The following PAQR5 variants were observed in gnomAD, a reference collection of about 807,000 sequenced individuals.
PAQR5 encodes membrane progestin receptor gamma.
PAQR5 carries 20 observed loss-of-function variants against 34.5 expected under a neutral mutation model. The observed-to-expected ratio is 0.58, with a 90% confidence interval of 0.41 to 0.84. PAQR5 has a LOEUF of 0.84. Ranked by LOEUF, PAQR5 falls within the 40% of genes least tolerant of loss-of-function variation. The pLI is 0.00. For missense variants in PAQR5, 378 were observed against 412.7 expected, an observed-to-expected ratio of 0.92 and a Z score of 0.73; for synonymous variants, 131 against 155.6, an observed-to-expected ratio of 0.84 and a Z score of 1.18.
chr15:69,372,997 T>C (rs1040323813), intron 3 of PAQR5, among the ~76,000 whole-genome samples: 1 of 152,186 alleles, frequency 6.6e-6, no homozygotes, highest in Non-Finnish European at 1.5e-5. Flanking sequence ...TGGATGCTGT[T>C]GGGGAGAATG....
intron 1 of PAQR5, among the ~76,000 whole-genome samples, chr15:69,312,558 C>T (rs1031311453): frequency 2.4e-4 from 36 of 151,762 alleles, no homozygotes; most frequent in African/African-American, 8.5e-4. Context: ...GGGGGAACTT[C>T]GCTCCCATCT....
intron 1 of PAQR5, among the ~76,000 whole-genome samples, chr15:69,331,684 G>A (rs1203887318): frequency 6.6e-6 from 1 of 152,154 alleles, no homozygotes; most frequent in African/African-American, 2.4e-5. Flanking sequence ...ACCATTTGGA[G>A]GTCATCCCTC....
chr15:69,398,656 G>T (rs1349902139), intron 7 of PAQR5, among the ~76,000 whole-genome samples: 1 of 152,236 alleles, frequency 6.6e-6, no homozygotes, highest in Non-Finnish European at 1.5e-5. Context: ...GTGGGTCTGG[G>T]AGAGCGCCAA....
rs1418018853 is a variant in PAQR5 at position 69,300,597 on chromosome 15, C to G, written c.-277+1541C>G. On this transcript the variant is annotated intron_variant, in intron 1 of 8. Coordinates refer to ENST00000395407, the MANE Select transcript of PAQR5 (RefSeq NM_017705.4). ...TCTTTCTTTCTTTCTTTCCTTCTTT[C>G]TTTCTTTCTTTCTTTCTTTCTTTCT... 2.7e-4 allele frequency among the ~76,000 whole-genome samples: 6 copies of G among 21,888 alleles called. 2 individuals carry two copies. Among genetic ancestry groups the G allele is most frequent in the Admixed American group, 2.1e-3 (5 of 2,390 alleles). 14.4% of individuals were successfully genotyped at this position (21,888 alleles called of 152,430 possible). A position where few individuals can be genotyped will look rare whatever the true frequency, so the allele number is the denominator to read the frequency against.
intron 4 of PAQR5, among the ~76,000 whole-genome samples, chr15:69,382,259 A>C (rs1338787489): frequency 1.3e-5 from 2 of 152,188 alleles, no homozygotes; most frequent in East Asian, 3.9e-4. Flanking sequence ...TGGTAACGCC[A>C]CATTTAGATC....
chr15:69,309,729 T>C lies in PAQR5; in HGVS notation c.-277+10673T>C, dbSNP rs115990779. Among the ~76,000 whole-genome samples, 1,061 of 152,274 alleles carry C rather than the reference T, an allele frequency of 7.0e-3. 13 individuals are homozygous for C. The highest frequency in any genetic ancestry group is 0.024 in the African/African-American group (1,016 of 41,542). On this transcript the variant is annotated intron_variant, in intron 1 of 8. Coordinates refer to ENST00000395407, the MANE Select transcript of PAQR5 (RefSeq NM_017705.4). ...AATTTTTCCACCTAGCTACCTACTG[T>C]GAGGTTTCTCCATATCAGTACCTAG...
chr15:69,334,534 G>A (rs536180849), intron 1 of PAQR5, among the ~76,000 whole-genome samples: 4 of 152,138 alleles, frequency 2.6e-5, no homozygotes, highest in Admixed American at 6.5e-5. Flanking sequence ...AGCCATGCCC[G>A]CCAGCTATGC....
intron 1 of PAQR5, among the ~76,000 whole-genome samples, chr15:69,335,428 A>T (rs2054490620): frequency 6.6e-6 from 1 of 150,822 alleles, no homozygotes; most frequent in Non-Finnish European, 1.5e-5. Flanking sequence ...TATTTGTAGT[A>T]GAGAAGGGGT....
chr15:69,349,154 G>A (rs578222443), intron 2 of PAQR5, among the ~76,000 whole-genome samples: 1 of 152,108 alleles, frequency 6.6e-6, no homozygotes, highest in Non-Finnish European at 1.5e-5. Context: ...CATCCAATTA[G>A]CATCCCCACC....
At chr15:69,390,242 C>G (rs1431945297) in intron 6 of PAQR5, among the ~76,000 whole-genome samples, 1 of 152,162 alleles carries the variant, frequency 6.6e-6, no homozygotes, top group African/African-American at 2.4e-5. Context: ...TCTGGAACTC[C>G]TGACTGCAGG....
intron 3 of PAQR5, among the ~76,000 whole-genome samples, chr15:69,378,180 G>T (rs1013934328): frequency 7.0e-6 from 1 of 143,532 alleles, no homozygotes; most frequent in Non-Finnish European, 1.5e-5. Flanking sequence ...CAGGAGAATC[G>T]CTTGAACCCA....
intron 3 of PAQR5, among the ~76,000 whole-genome samples, chr15:69,365,660 G>C (rs2055383244): frequency 6.6e-6 from 1 of 152,158 alleles, no homozygotes; most frequent in Non-Finnish European, 1.5e-5. Flanking sequence ...TTCTTATGCT[G>C]TCCTTGCCTG....
Position 69,327,155 on chromosome 15 carries a change from C to G in PAQR5, c.-276-10186C>G, listed in dbSNP as rs201467735. Among the ~76,000 whole-genome samples, 27 of 145,372 alleles carry G rather than the reference C, an allele frequency of 1.9e-4. 1 individual carries two copies. The East Asian group carries it at 5.7e-3, about 31-fold the overall frequency. The stretch of plus-strand genomic sequence containing the variant: ...ATGCACCACCACACTTGGCTAATTT[C>G]TTTATTATTATTATTATTATTTGTA... On this transcript the variant is annotated intron_variant, in intron 1 of 8. Transcript: ENST00000395407.
chr15:69,405,008 G>T lies in PAQR5; in HGVS notation c.*1186G>T. Reference sequence around the variant, plus strand: ...GCATTAGACCTATCAGCTTTGTTTCGCCTGATCTCAAGTTTTAGCAACTCA... The same window carrying T: ...GCATTAGACCTATCAGCTTTGTTTCTCCTGATCTCAAGTTTTAGCAACTCA... On this transcript the variant is annotated 3_prime_UTR_variant, in exon 9 of 9. Coordinates refer to ENST00000395407, the MANE Select transcript of PAQR5 (RefSeq NM_017705.4). 2.5e-6 allele frequency: 1 copy of T among 398,530 alleles called. No homozygotes were observed. The highest frequency in any genetic ancestry group is 4.4e-6 in the Non-Finnish European group (1 of 226,036). 24.7% of individuals were successfully genotyped at this position (398,530 alleles called of 1,614,324 possible). A position where few individuals can be genotyped will look rare whatever the true frequency, so the allele number is the denominator to read the frequency against.
chr15:69,400,101 G>T lies in PAQR5; in HGVS notation c.737G>T (p.Arg246Leu). Residue 246 changes from arginine (R) to leucine (L), a missense_variant, in exon 8 of 9, where the codon CGC becomes CTC. Arg to Leu is a moderately radical substitution (Grantham distance 102). Transcript: ENST00000395407. ...AHLPERLAPGRFDYIGHSHQL... is the reference protein window; with the variant it reads ...AHLPERLAPGLFDYIGHSHQL... ...CTGCCAGAACGCCTAGCCCCTGGAC[G>T]CTTTGACTACATCGGTGAGTGGGCA... 3 of 1,613,102 alleles carry T rather than the reference G, an allele frequency of 1.9e-6. No homozygotes were observed. Among genetic ancestry groups the T allele is most frequent in the Non-Finnish European group, 2.5e-6 (3 of 1,179,564 alleles).
chr15:69,328,870 C>T (rs2054313742), intron 1 of PAQR5, among the ~76,000 whole-genome samples: 1 of 152,268 alleles, frequency 6.6e-6, no homozygotes, highest in African/African-American at 2.4e-5. Context: ...AGAGCCGCTT[C>T]TCCCTGGATC....
chr15:69,310,704 A>T (rs1328456068), intron 1 of PAQR5, among the ~76,000 whole-genome samples: 2 of 151,730 alleles, frequency 1.3e-5, no homozygotes, highest in Admixed American at 1.3e-4. Flanking sequence ...TCAACAATTT[A>T]TTATTATTAT....
intron 1 of PAQR5, among the ~76,000 whole-genome samples, chr15:69,332,324 A>AG (rs1449882258): frequency 6.6e-6 from 1 of 152,190 alleles, no homozygotes; most frequent in East Asian, 1.9e-4. Context: ...ACCTTGCTAC[A>AG]GGTTCCTGAA....
At chr15:69,351,617 A>C (rs1309524334) in intron 2 of PAQR5, among the ~76,000 whole-genome samples, 1 of 152,204 alleles carries the variant, frequency 6.6e-6, no homozygotes, top group Non-Finnish European at 1.5e-5. Flanking sequence ...TTTGCAGGGC[A>C]CTTGATCACC....
Sources: gnomAD v4.1 joint callset for allele counts (sites outside exome capture counted in the v4.1 genomes callset) on GRCh38, gnomAD v4.1.1 for gene constraint, MANE v1.5 for transcripts, NCBI Gene and HGNC (gene_info 2026-07-23, HGNC 2026-07-21) for gene names.